MINDY3: variants seen among roughly 807,000 people sequenced by gnomAD.
MINDY3 encodes MINDY lysine 48 deubiquitinase 3.
A neutral mutation model predicts 69.2 loss-of-function variants in MINDY3; 38 were observed. The ratio of observed to expected loss-of-function variants is 0.55; its 90% CI spans 0.42 to 0.72. MINDY3 has a LOEUF of 0.72. Among genes scored for constraint, MINDY3 ranks in the 30% least tolerant of loss-of-function variants. The probability of loss-of-function intolerance (pLI) is 0.00; values close to 1 mark genes in which losing one functional copy is unlikely to be tolerated. For missense variants in MINDY3, 522 were observed against 519.0 expected, an observed-to-expected ratio of 1.01 and a Z score of -0.06; for synonymous variants, 192 against 180.1, an observed-to-expected ratio of 1.07 and a Z score of -0.53.
chr10:15,825,223 G>A (rs1045493309), intron 8 of MINDY3, among the ~76,000 whole-genome samples: 2 of 152,096 alleles, frequency 1.3e-5, no homozygotes, highest in Admixed American at 1.3e-4. Context: ...TCAGATTAGG[G>A]ATGCTAAACT....
intron 8 of MINDY3, among the ~76,000 whole-genome samples, chr10:15,824,946 C>T (rs1839992830): frequency 6.6e-6 from 1 of 151,958 alleles, no homozygotes; most frequent in South Asian, 2.1e-4. Flanking sequence ...ACATTTTTAC[C>T]TTCTTATGAT....
At chr10:15,844,905 C>T (rs1395592673) in intron 2 of MINDY3, among the ~76,000 whole-genome samples, 1 of 152,120 alleles carries the variant, frequency 6.6e-6, no homozygotes, top group Non-Finnish European at 1.5e-5. Flanking sequence ...GGGTGAGCAT[C>T]CTGATTATTT....
chr10:15,805,346 G>A (rs1417629323), intron 10 of MINDY3, among the ~76,000 whole-genome samples: 7 of 152,156 alleles, frequency 4.6e-5, no homozygotes, highest in Admixed American at 6.5e-5. Context: ...AATTCAGTAG[G>A]TGTTTAGAAG....
chr10:15,789,221 T>C lies in MINDY3; in HGVS notation c.1028+26A>G, dbSNP rs74126618. Reference sequence around the variant, plus strand: ...CTTAATCGAATCTTTTTGAGTTGGCTAAATAACACTTCCTATTTAGCTTAC... The same window carrying C: ...CTTAATCGAATCTTTTTGAGTTGGCCAAATAACACTTCCTATTTAGCTTAC... On this transcript the variant is annotated intron_variant, in intron 12 of 14. Coordinates refer to ENST00000277632, the MANE Select transcript of MINDY3 (RefSeq NM_024948.4). The C allele has an allele frequency of 4.7e-5, 75 of 1,579,644 alleles. No homozygotes were observed. In the African/African-American group the frequency reaches 9.6e-4, roughly 20 times the overall value.
intron 7 of MINDY3, 58 bp downstream of exon 7, chr10:15,834,485 A>C (rs1431142485): frequency 1.2e-5 from 15 of 1,200,382 alleles, no homozygotes; most frequent in Non-Finnish European, 1.8e-5. Context: ...TTTTATCTGA[A>C]GTCAAGTTTC....
At chr10:15,852,208 T>C (rs905120023) in intron 1 of MINDY3, among the ~76,000 whole-genome samples, 8 of 152,198 alleles carry the variant, frequency 5.3e-5, no homozygotes, top group African/African-American at 1.9e-4. Flanking sequence ...TCTGTGTTAC[T>C]GGTCATTGTT....
chr10:15,835,582 CAAGG>C (rs1324743073), intron 6 of MINDY3, among the ~76,000 whole-genome samples: 2 of 151,878 alleles, frequency 1.3e-5, no homozygotes, highest in African/African-American at 4.8e-5. Context: ...AAGACCAGGT[CAAGG>C]AAGGACAACT....
chr10:15,781,401 T>TTTTATA (rs1554797738), intron 14 of MINDY3, among the ~76,000 whole-genome samples: 2 of 145,762 alleles, frequency 1.4e-5, no homozygotes, highest in African/African-American at 5.0e-5. Context: ...TACATATATA[T>TTTTATA]TATATATATA....
chr10:15,847,519 A>G (rs1833936485), intron 2 of MINDY3, among the ~76,000 whole-genome samples: 1 of 152,202 alleles, frequency 6.6e-6, no homozygotes, highest in South Asian at 2.1e-4. Flanking sequence ...AATAATGAAA[A>G]TAGTACAATT....
intron 10 of MINDY3, 31 bp from the exon 11 acceptor site, chr10:15,796,203 GC>G (rs748602161): frequency 3.8e-5 from 60 of 1,558,714 alleles, no homozygotes; most frequent in Non-Finnish European, 5.1e-5. Flanking sequence ...TTGTCAACCA[GC>G]TACAGTATTA....
chr10:15,859,412 G>C (rs1834924915), intron 1 of MINDY3, among the ~76,000 whole-genome samples: 1 of 152,066 alleles, frequency 6.6e-6, no homozygotes, highest in Non-Finnish European at 1.5e-5. Flanking sequence ...TCACCTTTAG[G>C]AATGTGTCAG....
intron 3 of MINDY3, 30 bp from the exon 4 acceptor site, chr10:15,841,629 G>A: frequency 6.7e-7 from 1 of 1,487,052 alleles, no homozygotes; most frequent in Non-Finnish European, 9.1e-7. Flanking sequence ...AAGTTATAAT[G>A]GTTTCCTCTG....
chr10:15,791,098 CTG>C (rs1837375432), intron 11 of MINDY3, among the ~76,000 whole-genome samples: 1 of 152,112 alleles, frequency 6.6e-6, no homozygotes, highest in African/African-American at 2.4e-5. Context: ...GTAACCATAA[CTG>C]TACCCGGTCA....
chr10:15,858,339 G>A (rs1018271514), intron 1 of MINDY3, among the ~76,000 whole-genome samples: 17 of 152,116 alleles, frequency 1.1e-4, no homozygotes, highest in African/African-American at 1.9e-4. Context: ...GTGGCAGAGC[G>A]TTCTAATAAG....
At position 15,860,252 on chromosome 10, in the gene MINDY3, C is replaced by G. The variant is rs1347444714; in HGVS notation, c.48G>C (p.Lys16Asn). 36 of 1,611,066 alleles carry G rather than the reference C, an allele frequency of 2.2e-5. No individual in the cohort carries two copies. The highest frequency in any genetic ancestry group is 3.1e-5 in the Non-Finnish European group (36 of 1,178,782). Reference protein sequence around the residue: ...KELMELVWGTKSSPGLSDTIF... With the variant: ...KELMELVWGTNSSPGLSDTIF... Reference sequence around the variant, plus strand: ...TGGTGTCCGAGAGACCGGGGCTGCTCTTGGTGCCCCACACCAGCTCCATCA... The same window carrying G: ...TGGTGTCCGAGAGACCGGGGCTGCTGTTGGTGCCCCACACCAGCTCCATCA... The change falls in exon 1 of 15, where the codon AAG (lysine) becomes AAC (asparagine). Residue 16 changes from lysine to asparagine, a missense_variant. Coordinates refer to ENST00000277632, the MANE Select transcript of MINDY3 (RefSeq NM_024948.4).
chr10:15,788,445 A>G (rs1837145675), intron 12 of MINDY3, among the ~76,000 whole-genome samples: 1 of 152,108 alleles, frequency 6.6e-6, no homozygotes, highest in South Asian at 2.1e-4. Flanking sequence ...ACCAAATTCT[A>G]AAAACGGTGT....
intron 14 of MINDY3, among the ~76,000 whole-genome samples, chr10:15,781,081 G>A (rs892600950): frequency 1.3e-5 from 2 of 152,106 alleles, no homozygotes; most frequent in African/African-American, 4.8e-5. Context: ...TCTAGATGAA[G>A]CACTCATTCG....
chr10:15,791,020 AC>A (rs1321445200), intron 11 of MINDY3, among the ~76,000 whole-genome samples: 2 of 152,116 alleles, frequency 1.3e-5, no homozygotes, highest in African/African-American at 4.8e-5. Flanking sequence ...TATATGATTA[AC>A]CTCAAGCTTA....
chr10:15,839,200 A>G (rs1422625332), intron 4 of MINDY3, among the ~76,000 whole-genome samples: 1 of 151,752 alleles, frequency 6.6e-6, no homozygotes, highest in Non-Finnish European at 1.5e-5. Flanking sequence ...TTTATTTACA[A>G]TTTAAAATGT....
Sources: gnomAD v4.1 joint callset for allele counts (sites outside exome capture counted in the v4.1 genomes callset) on GRCh38, gnomAD v4.1.1 for gene constraint, MANE v1.5 for transcripts, NCBI Gene and HGNC (gene_info 2026-07-23, HGNC 2026-07-21) for gene names.